The following LSAMP variants were observed in gnomAD, a reference collection of about 807,000 sequenced individuals.
LSAMP encodes limbic system associated membrane protein.
LSAMP carries 7 observed loss-of-function variants against 38.6 expected under a neutral mutation model. That is an observed-to-expected ratio of 0.18 (90% confidence interval 0.10 to 0.34). LSAMP has a LOEUF of 0.34. LSAMP is among the 10% of genes least tolerant of loss of function. The pLI is 1.00. For missense variants in LSAMP, 313 were observed against 420.0 expected, an observed-to-expected ratio of 0.75 and a Z score of 2.23; for synonymous variants, 154 against 166.8, an observed-to-expected ratio of 0.92 and a Z score of 0.59.
chr3:116,432,430 T>C (rs1466164280), intron 1 of LSAMP, among the ~76,000 whole-genome samples: 1 of 151,852 alleles, frequency 6.6e-6, no homozygotes, highest in Non-Finnish European at 1.5e-5. Context: ...TTATACTTCA[T>C]AACAGATCCT....
chr3:115,859,899 C>T (rs1301631618), intron 3 of LSAMP, among the ~76,000 whole-genome samples: 1 of 152,176 alleles, frequency 6.6e-6, no homozygotes, highest in African/African-American at 2.4e-5. Flanking sequence ...ACCATTACCC[C>T]CTACTTGGTG....
At chr3:116,124,267 A>G (rs954794934) in intron 1 of LSAMP, among the ~76,000 whole-genome samples, 1 of 152,200 alleles carries the variant, frequency 6.6e-6, no homozygotes, top group African/African-American at 2.4e-5. Context: ...TAGTTTGAAT[A>G]GAAGACCTAC....
chr3:116,207,551 C>T (rs2046088108), intron 1 of LSAMP, among the ~76,000 whole-genome samples: 1 of 151,462 alleles, frequency 6.6e-6, no homozygotes, highest in African/African-American at 2.4e-5. Context: ...CCCGGTTGTT[C>T]CTTTCCATGT....
chr3:116,075,687 C>T (rs1707726134), intron 2 of LSAMP, among the ~76,000 whole-genome samples: 1 of 151,506 alleles, frequency 6.6e-6, no homozygotes, highest in African/African-American at 2.4e-5. Flanking sequence ...ACTACAGGCC[C>T]ACGCCACCAC....
rs377542053 is a variant in LSAMP, at chr3:116,088,966, G to A, written c.156-2410C>T. Among the ~76,000 whole-genome samples the A allele has an allele frequency of 9.9e-5, 15 of 152,176 alleles. 1 individual carries two copies. The South Asian group carries it at 1.5e-3, about 15-fold the overall frequency. Reference sequence around the variant, plus strand: ...GGACATTTGGTAACCTATATTCCACGTCCCCATCCCAAGTCCTATAGCACC... The same window carrying A: ...GGACATTTGGTAACCTATATTCCACATCCCCATCCCAAGTCCTATAGCACC... On this transcript the variant is annotated intron_variant, in intron 1 of 6. Transcript: ENST00000490035.
intron 1 of LSAMP, among the ~76,000 whole-genome samples, chr3:116,392,549 G>C (rs925812979): frequency 3.3e-5 from 5 of 152,234 alleles, no homozygotes. Context: ...AGGACAGCCT[G>C]GTGCTGGCCT....
At chr3:116,163,064 T>A (rs1709937185) in intron 1 of LSAMP, among the ~76,000 whole-genome samples, 1 of 151,102 alleles carries the variant, frequency 6.6e-6, no homozygotes. Context: ...ATGAAGAAGA[T>A]CTTTTTTTTT....
At chr3:115,979,593 TC>T (rs1318508575) in intron 3 of LSAMP, among the ~76,000 whole-genome samples, 2 of 152,120 alleles carry the variant, frequency 1.3e-5, no homozygotes, top group East Asian at 3.9e-4. Context: ...TGGCTAGTAT[TC>T]AGGTTAGAGG....
At chr3:116,245,672 T>A (rs905826551) in intron 1 of LSAMP, among the ~76,000 whole-genome samples, 1 of 152,200 alleles carries the variant, frequency 6.6e-6, no homozygotes, top group Non-Finnish European at 1.5e-5. Flanking sequence ...AAATTATTTT[T>A]AAAAATCAGA....
chr3:116,300,454 C>G (rs2047390919), intron 1 of LSAMP, among the ~76,000 whole-genome samples: 1 of 152,154 alleles, frequency 6.6e-6, no homozygotes, highest in Non-Finnish European at 1.5e-5. Context: ...CATAAAGTCA[C>G]TTAAATCAGG....
intron 1 of LSAMP, among the ~76,000 whole-genome samples, chr3:116,303,513 G>C (rs908647590): frequency 1.3e-5 from 2 of 152,102 alleles, no homozygotes; most frequent in African/African-American, 4.8e-5. Context: ...TCTCTGAGAT[G>C]AAAACAAATA....
chr3:116,215,180 A>G (rs540626595), intron 1 of LSAMP, among the ~76,000 whole-genome samples: 1 of 152,308 alleles, frequency 6.6e-6, no homozygotes, highest in East Asian at 1.9e-4. Flanking sequence ...AAATAAACAA[A>G]CAAATAAAGG....
intron 1 of LSAMP, among the ~76,000 whole-genome samples, chr3:116,109,343 G>T (rs1276370681): frequency 6.6e-6 from 1 of 151,882 alleles, no homozygotes; most frequent in Non-Finnish European, 1.5e-5. Context: ...AGGAAGAATT[G>T]GGACCTAGCT....
chr3:116,000,943 AC>A (rs1939971509), intron 3 of LSAMP, among the ~76,000 whole-genome samples: 1 of 152,140 alleles, frequency 6.6e-6, no homozygotes, highest in Admixed American at 6.5e-5. Flanking sequence ...CAAAGCAAAT[AC>A]CTGAAATGAG....
intron 1 of LSAMP, among the ~76,000 whole-genome samples, chr3:116,298,445 G>A (rs889545032): frequency 1.3e-4 from 20 of 152,108 alleles, no homozygotes; most frequent in African/African-American, 4.8e-4. Context: ...AAAACTGGGA[G>A]TTAGGAGGCT....
chr3:115,860,696 G>A (rs1243560588), intron 3 of LSAMP, among the ~76,000 whole-genome samples: 2 of 152,044 alleles, frequency 1.3e-5, no homozygotes, highest in Non-Finnish European at 2.9e-5. Context: ...AAACCTATTG[G>A]TACACAAAAA....
At chr3:116,271,711 A>G (rs1295833207) in intron 1 of LSAMP, among the ~76,000 whole-genome samples, 1 of 152,020 alleles carries the variant, frequency 6.6e-6, no homozygotes, top group Non-Finnish European at 1.5e-5. Flanking sequence ...GACTTTGTGG[A>G]CAAGGCATAA....
intron 1 of LSAMP, among the ~76,000 whole-genome samples, chr3:116,240,456 T>G (rs533366501): frequency 1.3e-5 from 2 of 152,180 alleles, no homozygotes; most frequent in African/African-American, 4.8e-5. Flanking sequence ...TAAATTTACA[T>G]AGAGATATTA....
intron 3 of LSAMP, among the ~76,000 whole-genome samples, chr3:115,931,890 T>C (rs1405121233): frequency 6.6e-6 from 1 of 152,166 alleles, no homozygotes. Context: ...TACCCAGTTT[T>C]TAATCTGTCT....
Sources: allele counts gnomAD v4.1 joint callset (sites outside exome capture counted in the v4.1 genomes callset), GRCh38; gene constraint gnomAD v4.1.1; transcripts MANE v1.5; gene names NCBI Gene and HGNC (gene_info 2026-07-23, HGNC 2026-07-21).